C6orf89: variants seen among roughly 807,000 people sequenced by gnomAD.
The protein encoded by C6orf89 is bombesin receptor-activated protein C6orf89.
In C6orf89, 29 loss-of-function variants were observed where a neutral mutation model predicts 40.7. The ratio of observed to expected loss-of-function variants is 0.71; its 90% confidence interval spans 0.53 to 0.97. The LOEUF (loss-of-function observed/expected upper bound fraction) is 0.97. Ranked by LOEUF, C6orf89 falls within the 50% of genes least tolerant of loss-of-function variation. The probability of loss-of-function intolerance (pLI) is 0.00; values close to 1 mark genes in which losing one functional copy is unlikely to be tolerated. For missense variants in C6orf89, 392 were observed against 429.1 expected, an observed-to-expected ratio of 0.91 and a Z score of 0.76; for synonymous variants, 165 against 152.2, an observed-to-expected ratio of 1.08 and a Z score of -0.62.
chr6:36,905,251 C>T (rs893065822), intron 4 of C6orf89, among the ~76,000 whole-genome samples: 2 of 152,138 alleles, frequency 1.3e-5, no homozygotes, highest in Non-Finnish European at 2.9e-5. Flanking sequence ...TGCTCAAGGT[C>T]CCAGGTCTGG....
upstream of C6orf89, among the ~76,000 whole-genome samples, chr6:36,884,977 G>A (rs996176471): frequency 6.6e-6 from 1 of 152,146 alleles, no homozygotes; most frequent in Non-Finnish European, 1.5e-5. The surrounding 1 kb of genome is among the most constrained non-coding windows in gnomAD (Gnocchi z 4.0). Flanking sequence ...AAACCATACA[G>A]GTACACTTAT....
chr6:36,886,000 G>A lies in C6orf89; in HGVS notation c.-148G>A, dbSNP rs779751692. 2.7e-6 allele frequency: 3 copies of A among 1,111,800 alleles called. 1 individual carries two copies. Among genetic ancestry groups the A allele is most frequent in the Middle Eastern group, 4.7e-4 (2 of 4,246 alleles). 68.9% of individuals were successfully genotyped at this position (1,111,800 alleles called of 1,614,324 possible). A position where few individuals can be genotyped will look rare whatever the true frequency, so the allele number is the denominator to read the frequency against. On this transcript the variant is annotated 5_prime_UTR_variant, in exon 1 of 9. Transcript: ENST00000480824. Reference sequence around the variant, plus strand: ...CCGGCGGCAGCTGTCCCCGAGGCGGGAGGAGCCCGAGGGGCGCGAGCCCCG... The same window carrying A: ...CCGGCGGCAGCTGTCCCCGAGGCGGAAGGAGCCCGAGGGGCGCGAGCCCCG...
chr6:36,913,692 A>T (rs1762204934), intron 4 of C6orf89, among the ~76,000 whole-genome samples: 2 of 152,168 alleles, frequency 1.3e-5, no homozygotes, highest in South Asian at 2.1e-4. Context: ...TTATTTGTTG[A>T]TTTGATTTAG....
At chr6:36,885,658 G>A (rs772996149), upstream of C6orf89, among the ~76,000 whole-genome samples, 44 of 152,134 alleles carry the variant, frequency 2.9e-4, no homozygotes, top group Non-Finnish European at 5.6e-4. Flanking sequence ...CATAGTAGGG[G>A]ACTCAGTAAA....
chr6:36,889,325 A>G (rs1775107786), intron 1 of C6orf89, among the ~76,000 whole-genome samples: 1 of 152,228 alleles, frequency 6.6e-6, no homozygotes, highest in South Asian at 2.1e-4. Flanking sequence ...AGGCAGAAAT[A>G]TGATTTCAAC....
At chr6:36,887,747 C>A (rs1180776343) in intron 1 of C6orf89, among the ~76,000 whole-genome samples, 1 of 152,172 alleles carries the variant, frequency 6.6e-6, no homozygotes, top group African/African-American at 2.4e-5. Flanking sequence ...AGACAGGAAT[C>A]TCATTCCATC....
intron 6 of C6orf89, among the ~76,000 whole-genome samples, chr6:36,915,702 T>A (rs1762289061): frequency 6.7e-6 from 1 of 150,370 alleles, no homozygotes. Context: ...TGAGACCCTG[T>A]TTCAAAAAAA....
At position 36,899,505 on chromosome 6, in the gene C6orf89, G is replaced by C. The variant is rs539575159; in HGVS notation, c.61G>C (p.Val21Leu). 1 of 1,614,070 alleles carries C rather than the reference G, an allele frequency of 6.2e-7. No homozygotes were observed. Among genetic ancestry groups the C allele is most frequent in the South Asian group, 1.1e-5 (1 of 91,076 alleles). Residue 21 changes from valine (V) to leucine (L), a missense_variant, in exon 3 of 9, where the codon GTG becomes CTG. Coordinates refer to ENST00000480824, the MANE Select transcript of C6orf89 (RefSeq NM_001286635.2). ...CAAACTTTCAGAGACTGTTGATTTG[G>C]TGAGACAGACCGGCCATCAGTGTGG... ...YDKLSETVDL[V>L]RQTGHQCGMS...
intron 4 of C6orf89, among the ~76,000 whole-genome samples, chr6:36,913,011 G>C (rs1762183523): frequency 1.3e-5 from 2 of 152,150 alleles, no homozygotes; most frequent in Non-Finnish European, 2.9e-5. Context: ...GTTTCCATTG[G>C]GTTTTAATCA....
intron 3 of C6orf89, 88 bp downstream of exon 3, chr6:36,899,721 C>T: frequency 7.8e-7 from 1 of 1,280,862 alleles, no homozygotes; most frequent in South Asian, 1.3e-5. Context: ...CTAATCCCAC[C>T]ACTGAGCATT....
chr6:36,874,734 G>C, intron 1 of C6orf89: 1 of 1,614,172 alleles, frequency 6.2e-7, no homozygotes, highest in Non-Finnish European at 8.5e-7. Flanking sequence ...CCAAGTAAAC[G>C]TTGGGTGGCT....
chr6:36,880,639 C>CT (rs1360547441), intron 2 of C6orf89, among the ~76,000 whole-genome samples: 2 of 152,158 alleles, frequency 1.3e-5, no homozygotes, highest in Non-Finnish European at 2.9e-5. Flanking sequence ...ATTAGCTTTG[C>CT]TATATGCTTC....
chr6:36,920,678 T>C (rs1360130031), intron 8 of C6orf89, among the ~76,000 whole-genome samples: 3 of 152,232 alleles, frequency 2.0e-5, no homozygotes, highest in African/African-American at 7.2e-5. Flanking sequence ...TAACTAATAA[T>C]GGAGCACAGC....
chr6:36,893,789 G>A (rs1345339824), intron 1 of C6orf89, among the ~76,000 whole-genome samples: 2 of 152,072 alleles, frequency 1.3e-5, no homozygotes, highest in African/African-American at 2.4e-5. Flanking sequence ...AAATTAGCTG[G>A]GTATGGTGGC....
intron 1 of C6orf89, among the ~76,000 whole-genome samples, chr6:36,888,429 C>A (rs2150677567): frequency 6.6e-6 from 1 of 152,208 alleles, no homozygotes; most frequent in Middle Eastern, 3.4e-3. Context: ...GTCAGGAGTT[C>A]AAGACCAGCC....
At chr6:36,871,945 C>T in exon 1 of C6orf89, 2 of 1,323,418 alleles carry the variant, frequency 1.5e-6, no homozygotes, top group Non-Finnish European at 2.0e-6. Context: ...GGAACTGCTC[C>T]AGGACTCTTG....
At chr6:36,918,641 T>G (rs528684214) in intron 7 of C6orf89, among the ~76,000 whole-genome samples, 73 of 152,178 alleles carry the variant, frequency 4.8e-4, no homozygotes, top group African/African-American at 1.7e-3. Context: ...CCACTTTATA[T>G]GGGCATATAA....
At chr6:36,897,753 G>T (rs181562704) in intron 2 of C6orf89, among the ~76,000 whole-genome samples, 1 of 152,266 alleles carries the variant, frequency 6.6e-6, no homozygotes, top group African/African-American at 2.4e-5. Flanking sequence ...GGAGTGATTG[G>T]GAGGCACACT....
intron 4 of C6orf89, among the ~76,000 whole-genome samples, chr6:36,911,245 T>G (rs1278942470): frequency 6.6e-6 from 1 of 152,236 alleles, no homozygotes; most frequent in African/African-American, 2.4e-5. Context: ...ATCCCAGCAC[T>G]TTGCAAGGCT....
Sources: gnomAD v4.1 joint callset for allele counts (sites outside exome capture counted in the v4.1 genomes callset) on GRCh38, gnomAD v4.1.1 for gene constraint, Gnocchi (gnomAD v3.1) non-coding constraint, MANE v1.5 for transcripts, NCBI Gene and HGNC (gene_info 2026-07-23, HGNC 2026-07-21) for gene names.